SPOCK3: variants seen among roughly 807,000 people sequenced by gnomAD.
SPOCK3 encodes the protein SPARC (osteonectin), cwcv and kazal like domains proteoglycan 3.
In SPOCK3, 30 loss-of-function variants were observed where a neutral mutation model predicts 56.6. The observed-to-expected ratio is 0.53, with a 90% CI of 0.40 to 0.72. SPOCK3 has a LOEUF of 0.72. SPOCK3 is among the 30% of genes least tolerant of loss of function. SPOCK3 has a pLI of 0.00. For missense variants in SPOCK3, 527 were observed against 530.0 expected (o/e 0.99, Z 0.06); for synonymous variants, 196 against 183.3 (o/e 1.07, Z -0.56).
intron 2 of SPOCK3, among the ~76,000 whole-genome samples, chr4:167,232,842 A>AG (rs143550245): frequency 1.6e-3 from 245 of 152,242 alleles, no homozygotes; most frequent in African/African-American, 5.5e-3. Context: ...TACTTCATGG[A>AG]GAGGCTGAGA....
intron 3 of SPOCK3, among the ~76,000 whole-genome samples, chr4:167,043,603 AG>A (rs1753429471): frequency 6.6e-6 from 1 of 152,010 alleles, no homozygotes; most frequent in Non-Finnish European, 1.5e-5. Context: ...AGGTTGCAGA[AG>A]TCAACCTCTA....
At chr4:167,052,795 T>C (rs1754361137) in intron 3 of SPOCK3, among the ~76,000 whole-genome samples, 1 of 152,154 alleles carries the variant, frequency 6.6e-6, no homozygotes, top group African/African-American at 2.4e-5. Flanking sequence ...TGTAAATAAG[T>C]AAAAATTAAA....
intron 4 of SPOCK3, among the ~76,000 whole-genome samples, chr4:166,970,751 A>T (rs1745290228): frequency 6.6e-6 from 1 of 151,818 alleles, no homozygotes; most frequent in Non-Finnish European, 1.5e-5. Flanking sequence ...AAAAAAACAG[A>T]GTAACACAGG....
chr4:166,928,647 A>G (rs1739384547), intron 4 of SPOCK3, among the ~76,000 whole-genome samples: 3 of 152,192 alleles, frequency 2.0e-5, no homozygotes, highest in Non-Finnish European at 4.4e-5. Context: ...CATAGAATGT[A>G]CAACACCAAG....
At chr4:166,914,807 A>T (rs1391975967) in intron 4 of SPOCK3, among the ~76,000 whole-genome samples, 1 of 152,192 alleles carries the variant, frequency 6.6e-6, no homozygotes, top group East Asian at 1.9e-4. Context: ...GAAATTTGTG[A>T]AATTGAAATG....
At chr4:166,934,191 T>C (rs1161851228) in intron 4 of SPOCK3, among the ~76,000 whole-genome samples, 1 of 151,806 alleles carries the variant, frequency 6.6e-6, no homozygotes, top group African/African-American at 2.4e-5. Flanking sequence ...ACCACATACA[T>C]AAGAAAATAA....
chr4:166,935,500 C>T (rs953762719), intron 4 of SPOCK3, among the ~76,000 whole-genome samples: 2 of 152,110 alleles, frequency 1.3e-5, no homozygotes, highest in African/African-American at 4.8e-5. Context: ...TGCTTTCTGC[C>T]AGTGTTCATG....
At position 167,213,612 on chromosome 4, in the gene SPOCK3, C is replaced by T. The variant is rs139242394; in HGVS notation, c.189+20373G>A. Reference sequence around the variant, plus strand: ...AGAGTTTGAAACATAAACACTATTACCAGAAATATTCATTTAAATATAATG... The same window carrying T: ...AGAGTTTGAAACATAAACACTATTATCAGAAATATTCATTTAAATATAATG... On this transcript the variant is annotated intron_variant, in intron 2 of 10. Coordinates refer to ENST00000357545, the MANE Select transcript of SPOCK3 (RefSeq NM_001040159.2). Among the ~76,000 whole-genome samples, 149 of 152,072 alleles carry T rather than the reference C, an allele frequency of 9.8e-4. 1 individual carries two copies. The highest frequency in any genetic ancestry group is 5.1e-4 in the Non-Finnish European group (35 of 67,966).
At chr4:166,951,060 G>A in intron 4 of SPOCK3, among the ~76,000 whole-genome samples, 1 of 138,734 alleles carries the variant, frequency 7.2e-6, no homozygotes, top group East Asian at 2.0e-4. Context: ...TCAAAAGCTA[G>A]CAGAAGACAA....
chr4:166,946,168 T>C (rs750726743), intron 4 of SPOCK3, among the ~76,000 whole-genome samples: 22 of 151,906 alleles, frequency 1.4e-4, no homozygotes, highest in Middle Eastern at 6.3e-3. Context: ...GTTTGGAGAG[T>C]AATAACTTAC....
At chr4:167,195,433 G>C (rs1381118814) in intron 2 of SPOCK3, among the ~76,000 whole-genome samples, 2 of 152,168 alleles carry the variant, frequency 1.3e-5, no homozygotes, top group African/African-American at 4.8e-5. Context: ...GAACTGTTGA[G>C]AGAGGCTAGA....
At chr4:166,877,654 C>T (rs948909182) in intron 6 of SPOCK3, among the ~76,000 whole-genome samples, 3 of 152,092 alleles carry the variant, frequency 2.0e-5, no homozygotes, top group African/African-American at 7.2e-5. Flanking sequence ...TAAAAGTTCT[C>T]ATTAACAGGT....
intron 3 of SPOCK3, among the ~76,000 whole-genome samples, chr4:167,013,292 G>A (rs937537734): frequency 6.6e-6 from 1 of 151,776 alleles, no homozygotes; most frequent in African/African-American, 2.4e-5. Context: ...TTACAAGGCA[G>A]AAATTTATTC....
intron 2 of SPOCK3, chr4:167,102,329 T>C (rs1360947008): frequency 6.6e-6 from 1 of 152,148 alleles, no homozygotes; most frequent in Non-Finnish European, 1.5e-5. Flanking sequence ...CATGGCTAAA[T>C]AGAAGCCTTC....
chr4:166,791,671 T>A (rs1741370829), intron 7 of SPOCK3, among the ~76,000 whole-genome samples: 1 of 152,214 alleles, frequency 6.6e-6, no homozygotes, highest in South Asian at 2.1e-4. Flanking sequence ...AAAAAAATTG[T>A]AAGAGGTATA....
intron 6 of SPOCK3, among the ~76,000 whole-genome samples, chr4:166,881,200 T>C (rs892141840): frequency 2.0e-5 from 3 of 152,018 alleles, no homozygotes; most frequent in African/African-American, 7.2e-5. Context: ...AACATGTAAA[T>C]AGAAACATCA....
intron 2 of SPOCK3, among the ~76,000 whole-genome samples, chr4:167,183,771 G>C (rs1432780350): frequency 6.6e-6 from 1 of 152,122 alleles, no homozygotes; most frequent in Admixed American, 6.5e-5. Flanking sequence ...CTGTAAATAA[G>C]AGATTGTCTA....
chr4:166,983,961 A>C (rs544179111), intron 4 of SPOCK3, among the ~76,000 whole-genome samples: 1 of 152,190 alleles, frequency 6.6e-6, no homozygotes, highest in Non-Finnish European at 1.5e-5. Flanking sequence ...AAGAGAAGGA[A>C]AAGACCATGC....
intron 6 of SPOCK3, among the ~76,000 whole-genome samples, chr4:166,864,329 G>A (rs1193527486): frequency 6.6e-6 from 1 of 152,088 alleles, no homozygotes; most frequent in Admixed American, 6.6e-5. Context: ...TCAGAAGGCT[G>A]GAAAGATCTG....
Sources: allele counts gnomAD v4.1 joint callset (sites outside exome capture counted in the v4.1 genomes callset), GRCh38; gene constraint gnomAD v4.1.1; transcripts MANE v1.5; gene names NCBI Gene and HGNC (gene_info 2026-07-23, HGNC 2026-07-21).